Variants in RALGAPA1 observed in about 807,000 individuals in gnomAD.
RALGAPA1 encodes ral GTPase-activating protein subunit alpha-1.
A neutral mutation model predicts 269.6 loss-of-function variants in RALGAPA1; 52 were observed. The observed-to-expected ratio is 0.19, with a 90% CI of 0.15 to 0.24. RALGAPA1 has a LOEUF of 0.24. Ranked by LOEUF, RALGAPA1 falls within the 10% of genes least tolerant of loss-of-function variation. The pLI, the probability that RALGAPA1 is intolerant of heterozygous loss-of-function variation, is 1.00. For missense variants in RALGAPA1, 1,917 were observed against 3,013.9 expected (o/e 0.64, Z 8.52); for synonymous variants, 817 against 1,008.3 (o/e 0.81, Z 3.60).
In RALGAPA1 at chr14:35,549,001, A is replaced by G. The variant is rs187324387; in HGVS notation, c.7621+109T>C. ...AATTCAAATATTAAATAGTGATTAAAAATTCATATTTCAATGATTAGAATT... is the reference window on the plus strand; with the variant it reads ...AATTCAAATATTAAATAGTGATTAAGAATTCATATTTCAATGATTAGAATT... On this transcript the variant is annotated intron_variant, in intron 40 of 41. Transcript: ENST00000680220. The G allele has an allele frequency of 1.3e-3, 1,722 of 1,280,458 alleles. 11 individuals carry two copies. In the East Asian group the frequency reaches 0.014, roughly 10 times the overall value. The allele number at this position is 1,280,458 out of a possible 1,614,324, so 79.3% of individuals were successfully genotyped here. A position where few individuals can be genotyped will look rare whatever the true frequency, so the allele number is the denominator to read the frequency against.
At chr14:35,555,110 C>A (rs1399375665) in intron 39 of RALGAPA1, among the ~76,000 whole-genome samples, 1 of 151,922 alleles carries the variant, frequency 6.6e-6, no homozygotes, top group Non-Finnish European at 1.5e-5. Context: ...ATCTTGCTGG[C>A]CCTCTCTGGA....
At chr14:35,668,140 G>A (rs1005817606) in intron 26 of RALGAPA1, among the ~76,000 whole-genome samples, 5 of 152,068 alleles carry the variant, frequency 3.3e-5, no homozygotes, top group African/African-American at 1.2e-4. Flanking sequence ...CCAGAGGCCC[G>A]GAAGCAGGGA....
chr14:35,772,635 C>G (rs959818625), intron 3 of RALGAPA1, among the ~76,000 whole-genome samples: 8 of 152,176 alleles, frequency 5.3e-5, no homozygotes, highest in Admixed American at 1.3e-4. Flanking sequence ...TAATAAGGGC[C>G]AAACACTAGG....
chr14:35,618,977 T>A (rs1426229731), intron 35 of RALGAPA1, among the ~76,000 whole-genome samples: 4 of 148,418 alleles, frequency 2.7e-5, no homozygotes, highest in Middle Eastern at 6.4e-3. Flanking sequence ...TCCAATCAAA[T>A]ACCAATGGGA....
chr14:35,682,595 CA>C (rs1395645238), intron 21 of RALGAPA1, among the ~76,000 whole-genome samples: 3 of 152,166 alleles, frequency 2.0e-5, no homozygotes, highest in Non-Finnish European at 4.4e-5. Flanking sequence ...TGTGAGCCAC[CA>C]TGCCCGGCCG....
At chr14:35,730,300 C>T (rs560470460) in intron 12 of RALGAPA1, among the ~76,000 whole-genome samples, 1 of 152,064 alleles carries the variant, frequency 6.6e-6, no homozygotes, top group Admixed American at 6.5e-5. Context: ...GGGAGGGTGG[C>T]CAGAGGCGTG....
At chr14:35,773,608 C>T (rs2074797776) in intron 3 of RALGAPA1, among the ~76,000 whole-genome samples, 2 of 152,062 alleles carry the variant, frequency 1.3e-5, no homozygotes. Context: ...GGAATACTTT[C>T]CAAGAATCAT....
chr14:35,770,260 ACTT>A (rs2074516041), intron 4 of RALGAPA1, among the ~76,000 whole-genome samples: 2 of 152,158 alleles, frequency 1.3e-5, no homozygotes, highest in African/African-American at 4.8e-5. Flanking sequence ...TAGAAACAGA[ACTT>A]CTTCAACTGG....
chr14:35,616,330 T>C lies in RALGAPA1; in HGVS notation c.6929+9031A>G, dbSNP rs369320338. On this transcript the variant is annotated intron_variant, in intron 35 of 41. Transcript: ENST00000680220. ...TGAACCAGTGAAGACCTGGAATAAT[T>C]AGAGAATTAGGAGTTGAACTGAGTA... 2.0e-5 allele frequency among the ~76,000 whole-genome samples: 3 copies of C among 152,170 alleles called. No homozygotes were observed. The East Asian group carries it at 5.8e-4, about 29-fold the overall frequency.
At chr14:35,622,386 G>T (rs972687918) in intron 35 of RALGAPA1, among the ~76,000 whole-genome samples, 2 of 152,176 alleles carry the variant, frequency 1.3e-5, no homozygotes, top group Non-Finnish European at 2.9e-5. Context: ...CTGGGGTAGG[G>T]ATAGAATTAG....
intron 6 of RALGAPA1, among the ~76,000 whole-genome samples, chr14:35,759,311 C>T (rs530684281): frequency 1.3e-5 from 2 of 152,108 alleles, no homozygotes; most frequent in Non-Finnish European, 2.9e-5. Context: ...TAACAGAGTA[C>T]TTGCTCTGGA....
chr14:35,700,772 T>C (rs1313177177), intron 16 of RALGAPA1, among the ~76,000 whole-genome samples: 1 of 152,226 alleles, frequency 6.6e-6, no homozygotes, highest in Non-Finnish European at 1.5e-5. Context: ...TCATACTCTT[T>C]ACCAAATAAA....
In RALGAPA1 at chr14:35,728,343, A is replaced by G. The variant is rs199809773; in HGVS notation, c.1736+19T>C. On this transcript the variant is annotated intron_variant, in intron 13 of 41. Transcript: ENST00000680220. ...ACACAATAAAAACACATAGACATAA[A>G]GGATAAAAATTTTTTTACCAAGTCT... is the stretch of plus-strand genomic sequence containing the variant. 1.6e-3 allele frequency: 2,534 copies of G among 1,540,468 alleles called. No homozygotes were observed. Among genetic ancestry groups the G allele is most frequent in the Non-Finnish European group, 2.0e-3 (2,266 of 1,148,178 alleles).
chr14:35,631,503 A>T (rs1022752233), intron 33 of RALGAPA1, among the ~76,000 whole-genome samples: 4 of 152,202 alleles, frequency 2.6e-5, no homozygotes, highest in African/African-American at 9.6e-5. Flanking sequence ...TGATATAGAA[A>T]AAGATTTTTC....
chr14:35,773,982 C>T (rs763998839), intron 3 of RALGAPA1, among the ~76,000 whole-genome samples: 10 of 152,080 alleles, frequency 6.6e-5, no homozygotes, highest in Admixed American at 2.6e-4. Context: ...GGCACAATCA[C>T]GGCTCACTAT....
chr14:35,741,071 A>G (rs75167603), intron 11 of RALGAPA1, among the ~76,000 whole-genome samples: 1,606 of 152,332 alleles, frequency 0.011, 20 homozygotes, highest in Non-Finnish European at 0.014. Context: ...ACAAACCTAC[A>G]CAACATACCT....
chr14:35,672,338 C>T (rs181864737), intron 25 of RALGAPA1, among the ~76,000 whole-genome samples: 1 of 151,906 alleles, frequency 6.6e-6, no homozygotes, highest in Non-Finnish European at 1.5e-5. Flanking sequence ...TCAAGACTCC[C>T]AAAGTAATTC....
At chr14:35,546,659 A>G (rs1234916543) in intron 41 of RALGAPA1, among the ~76,000 whole-genome samples, 1 of 152,052 alleles carries the variant, frequency 6.6e-6, no homozygotes, top group African/African-American at 2.4e-5. Context: ...TTCAATTGCA[A>G]TTATGAATCC....
Position 35,617,165 on chromosome 14 carries a change from GT to G in RALGAPA1, c.6929+8195del, listed in dbSNP as rs201407949. On this transcript the variant is annotated intron_variant, in intron 35 of 41. Coordinates refer to ENST00000680220, the MANE Select transcript of RALGAPA1 (RefSeq NM_001346249.2). ...GGTAAAGCTTTCCATATAAAGTGAT[GT>G]TTAAGCTGAGACTTCAGGAGTGGAC... is the stretch of plus-strand genomic sequence containing the variant. Among the ~76,000 whole-genome samples, 20 of 152,290 alleles carry G rather than the reference GT, an allele frequency of 1.3e-4. No individual in the cohort carries two copies. The East Asian group carries it at 3.7e-3, about 28-fold the overall frequency.
Sources: allele counts gnomAD v4.1 joint callset (sites outside exome capture counted in the v4.1 genomes callset), GRCh38; gene constraint gnomAD v4.1.1; transcripts MANE v1.5; gene names NCBI Gene and HGNC (gene_info 2026-07-23, HGNC 2026-07-21).